RTN4RL2: variants seen among roughly 807,000 people sequenced by gnomAD.
RTN4RL2 encodes the protein reticulon-4 receptor-like 2.
RTN4RL2 carries 9 observed loss-of-function variants against 27.8 expected under a neutral mutation model. That is an observed-to-expected ratio of 0.32 (90% CI 0.20 to 0.57). The LOEUF is 0.57. Among genes scored for constraint, RTN4RL2 ranks in the 20% least tolerant of loss-of-function variants. RTN4RL2 has a pLI of 0.90. For missense variants in RTN4RL2, 436 were observed against 596.8 expected, an observed-to-expected ratio of 0.73 and a Z score of 2.81; for synonymous variants, 285 against 297.9, an observed-to-expected ratio of 0.96 and a Z score of 0.45.
intron 1 of RTN4RL2, among the ~76,000 whole-genome samples, chr11:57,466,094 A>G (rs2729394): frequency 0.82 from 122,029 of 149,712 alleles, 49,931 homozygotes; most frequent in African/African-American, 0.9. Context: ...TCCGCCTCCC[A>G]GGTTCACACC....
At chr11:57,468,626 G>C in intron 2 of RTN4RL2, 1 of 1,536,486 alleles carries the variant, frequency 6.5e-7, no homozygotes, top group Non-Finnish European at 8.7e-7. Flanking sequence ...CCCACATCAC[G>C]GTGAAGTAGA....
At chr11:57,472,845 C>T (rs1451956783) in intron 2 of RTN4RL2, among the ~76,000 whole-genome samples, 1 of 152,198 alleles carries the variant, frequency 6.6e-6, no homozygotes, top group Non-Finnish European at 1.5e-5. Context: ...GGAACATGAC[C>T]TAGAATTGGC....
intron 2 of RTN4RL2, among the ~76,000 whole-genome samples, chr11:57,470,334 G>C (rs1046633921): frequency 1.3e-5 from 2 of 151,838 alleles, no homozygotes; most frequent in Non-Finnish European, 2.9e-5. Context: ...TGCAACCTCT[G>C]CCTCCCAGGC....
rs553248773 is a variant in RTN4RL2 at position 57,461,984 on chromosome 11, C to T, written c.31+1088C>T. On this transcript the variant is annotated intron_variant, in intron 1 of 2. Coordinates refer to ENST00000335099, the MANE Select transcript of RTN4RL2 (RefSeq NM_178570.3). ...CGTGGGAAGCCCTCCATTCCCAAAG[C>T]GCCTGCCTGCCACATTTCTTCTCTC... is the stretch of plus-strand genomic sequence containing the variant. Among the ~76,000 whole-genome samples the T allele has an allele frequency of 6.6e-5, 10 of 152,010 alleles. No homozygotes were observed. The South Asian group carries it at 1.5e-3, about 22-fold the overall frequency.
chr11:57,468,430 T>C (rs1943541920), intron 2 of RTN4RL2: 2 of 806,712 alleles, frequency 2.5e-6, no homozygotes, highest in Non-Finnish European at 3.9e-6. Context: ...CCCCCATCTG[T>C]CTTCTGCCTC....
intron 2 of RTN4RL2, among the ~76,000 whole-genome samples, chr11:57,475,204 A>AT (rs1368583149): frequency 6.6e-6 from 1 of 152,210 alleles, no homozygotes; most frequent in Non-Finnish European, 1.5e-5. Context: ...AGGGGGTTAT[A>AT]CATAATAAGG....
At chr11:57,462,258 C>T (rs1262873547) in intron 1 of RTN4RL2, among the ~76,000 whole-genome samples, 1 of 152,114 alleles carries the variant, frequency 6.6e-6, no homozygotes, top group East Asian at 1.9e-4. Context: ...TTTGCAGCAG[C>T]TCTAAACCTC....
chr11:57,473,257 T>G (rs1017515330), intron 2 of RTN4RL2, among the ~76,000 whole-genome samples: 6 of 152,168 alleles, frequency 3.9e-5, no homozygotes, highest in Non-Finnish European at 8.8e-5. Context: ...CAGATGCAGA[T>G]GGGATCTTAA....
chr11:57,463,719 AGTG>A (rs144382270), intron 1 of RTN4RL2, among the ~76,000 whole-genome samples: 3,724 of 151,852 alleles, frequency 0.025, 160 homozygotes, highest in African/African-American at 0.085. Flanking sequence ...GGAGGGAAGG[AGTG>A]GTGGTGCTGA....
rs750893892 is a variant in RTN4RL2 at position 57,476,763 on chromosome 11, G to A, written c.1115G>A (p.Gly372Glu). The A allele has an allele frequency of 6.8e-7, 1 of 1,472,144 alleles. No homozygotes were observed. The highest frequency in any genetic ancestry group is 8.9e-7 in the Non-Finnish European group (1 of 1,119,058). 91.2% of individuals were successfully genotyped at this position (1,472,144 alleles called of 1,614,324 possible). Reference protein sequence around the residue: ...GDAPTEDDYWGGYGGEDQRGE... With the variant: ...GDAPTEDDYWEGYGGEDQRGE... ...GCGCCTACTGAGGACGACTACTGGG[G>A]GGGCTACGGGGGTGAGGACCAGCGA... Residue 372 changes from glycine (G) to glutamate (E), a missense_variant, in exon 3 of 3, where the codon GGG becomes GAG. This residue lies in a region of RTN4RL2 where 60 missense variants were observed against 43.0 expected (regional missense o/e 1.40). Coordinates refer to ENST00000335099, the MANE Select transcript of RTN4RL2 (RefSeq NM_178570.3). The surrounding 1 kb of genome is among the most constrained non-coding windows in gnomAD (Gnocchi z 8.2).
chr11:57,464,862 A>G (rs759623852), intron 1 of RTN4RL2, among the ~76,000 whole-genome samples: 14 of 152,130 alleles, frequency 9.2e-5, no homozygotes, highest in Non-Finnish European at 1.3e-4. Flanking sequence ...GAAACTCGGG[A>G]GGAGAAAGTA....
Position 57,476,818 on chromosome 11 carries a change from C to T in RTN4RL2, c.1170C>T (p.Cys390=), listed in dbSNP as rs773816338. ...RGEQMCPGAA[C]QAPPDSRGPA... is the part of the protein sequence containing the mutation. Reference sequence around the variant, plus strand: ...AGCAGATGTGCCCCGGCGCTGCCTGCCAGGCGCCCCCGGACTCCCGAGGCC... The same window carrying T: ...AGCAGATGTGCCCCGGCGCTGCCTGTCAGGCGCCCCCGGACTCCCGAGGCC... Residue 390 remains cysteine, a synonymous_variant, in exon 3 of 3, where the codon TGC becomes TGT. Coordinates refer to ENST00000335099, the MANE Select transcript of RTN4RL2 (RefSeq NM_178570.3). This position sits in a 1 kb window ranked among gnomAD's most constrained non-coding sequence, Gnocchi z 8.2. 1.3e-6 allele frequency: 2 copies of T among 1,547,672 alleles called. No individual in the cohort carries two copies. Among genetic ancestry groups the T allele is most frequent in the South Asian group, 1.2e-5 (1 of 85,328 alleles).
At position 57,468,021 on chromosome 11, in the gene RTN4RL2, C is replaced by T; in HGVS notation, c.444C>T (p.Gly148=). The change falls in exon 2 of 3, where the codon GGC becomes GGT. Residue 148 remains glycine (G), a synonymous_variant. Coordinates refer to ENST00000335099, the MANE Select transcript of RTN4RL2 (RefSeq NM_178570.3). The part of the protein sequence containing the change: ...LYRCQLSSLP[G]NIFRGLVSLQ... ...GCTGCCAGCTCAGCAGCCTGCCCGGCAACATCTTCCGAGGCCTGGTCAGCC... is the reference window on the plus strand; with the variant it reads ...GCTGCCAGCTCAGCAGCCTGCCCGGTAACATCTTCCGAGGCCTGGTCAGCC... 6.2e-7 allele frequency: 1 copy of T among 1,601,560 alleles called. No homozygotes were observed. Among genetic ancestry groups the T allele is most frequent in the Non-Finnish European group, 8.5e-7 (1 of 1,179,954 alleles).
intron 1 of RTN4RL2, among the ~76,000 whole-genome samples, chr11:57,462,484 T>C (rs1039381111): frequency 6.6e-6 from 1 of 152,180 alleles, no homozygotes; most frequent in African/African-American, 2.4e-5. Context: ...TCTGCTGCCT[T>C]TCCAGGGAGC....
intron 1 of RTN4RL2, among the ~76,000 whole-genome samples, chr11:57,461,745 A>G (rs1175660513): frequency 6.6e-6 from 1 of 151,696 alleles, no homozygotes; most frequent in East Asian, 1.9e-4. Context: ...GGAAAAGGAG[A>G]ATGGAAAGAT....
chr11:57,466,339 A>T (rs999097840), intron 1 of RTN4RL2, among the ~76,000 whole-genome samples: 1 of 152,164 alleles, frequency 6.6e-6, no homozygotes, highest in African/African-American at 2.4e-5. Context: ...GTGCAGTGGC[A>T]CGGGCCTGTG....
Position 57,476,709 on chromosome 11 carries a change from A to G in RTN4RL2, c.1061A>G (p.Glu354Gly), listed in dbSNP as rs1943598824. ...PSTLYRDLPA[E>G]DSRGRQGGDA... ...ACCCTCTACCGAGATCTGCCTGCCG[A>G]AGACTCGCGGGGGCGCCAGGGCGGG... Residue 354 changes from glutamate to glycine, a missense_variant, in exon 3 of 3, where the codon GAA becomes GGA. By Grantham distance (98) the Glu-to-Gly change is moderately conservative (BLOSUM62 -2). Around this residue, in one of 3 missense-constraint regions of RTN4RL2, gnomAD observed 365 missense variants for 530.5 expected, o/e 0.69. Coordinates refer to ENST00000335099, the MANE Select transcript of RTN4RL2 (RefSeq NM_178570.3). The surrounding 1 kb of genome is among the most constrained non-coding windows in gnomAD (Gnocchi z 8.2). 7.0e-7 allele frequency: 1 copy of G among 1,437,748 alleles called. No homozygotes were observed. The highest frequency in any genetic ancestry group is 1.5e-5 in the South Asian group (1 of 67,424). 89.1% of individuals were successfully genotyped at this position (1,437,748 alleles called of 1,614,324 possible). A position where few individuals can be genotyped will look rare whatever the true frequency, so the allele number is the denominator to read the frequency against.
chr11:57,473,951 C>A (rs914366209), intron 2 of RTN4RL2, among the ~76,000 whole-genome samples: 2 of 152,110 alleles, frequency 1.3e-5, no homozygotes, highest in African/African-American at 4.8e-5. Context: ...TGTGGATTAC[C>A]CCTGCTCACT....
At position 57,469,209 on chromosome 11, in the gene RTN4RL2, T is replaced by A. The variant is rs552937693; in HGVS notation, c.513+1119T>A. On this transcript the variant is annotated intron_variant, in intron 2 of 2. Transcript: ENST00000335099. The stretch of plus-strand genomic sequence containing the variant: ...TGAGCACCCACTACGAGCTAGATGC[T>A]AAGAATACAGTAGTGAACAGAACAG... Among the ~76,000 whole-genome samples the A allele has an allele frequency of 5.8e-4, 89 of 152,326 alleles. 1 individual carries two copies. Among genetic ancestry groups the A allele is most frequent in the African/African-American group, 2.1e-3 (86 of 41,564 alleles).
Sources: gnomAD v4.1 joint callset for allele counts (sites outside exome capture counted in the v4.1 genomes callset) on GRCh38, gnomAD v4.1.1 for gene constraint, gnomAD v4.1.1 regional missense constraint, Gnocchi (gnomAD v3.1) non-coding constraint, MANE v1.5 for transcripts, NCBI Gene and HGNC (gene_info 2026-07-23, HGNC 2026-07-21) for gene names.